OSBPL3: variants seen among roughly 807,000 people sequenced by gnomAD.
The protein encoded by OSBPL3 is oxysterol binding protein like 3, also known as oxysterol-binding protein-related protein 3.
In OSBPL3, 65 loss-of-function variants were observed where a neutral mutation model predicts 120.1. That is an observed-to-expected ratio of 0.54 (90% CI 0.44 to 0.67). The LOEUF is 0.67. Ranked by LOEUF, OSBPL3 falls within the 30% of genes least tolerant of loss-of-function variation. The pLI is 0.00. For missense variants in OSBPL3, 1,004 were observed against 1,082.1 expected (o/e 0.93, Z 1.01); for synonymous variants, 416 against 402.6 (o/e 1.03, Z -0.40).
chr7:24,833,968 G>T lies in OSBPL3; in HGVS notation c.1746+518C>A. 3.1e-6 allele frequency: 1 copy of T among 324,658 alleles called. No individual in the cohort carries two copies. Among genetic ancestry groups the T allele is most frequent in the Non-Finnish European group, 4.4e-6 (1 of 226,050 alleles). 20.1% of individuals were successfully genotyped at this position (324,658 alleles called of 1,614,324 possible). On this transcript the variant is annotated intron_variant, in intron 15 of 22. Transcript: ENST00000313367. The surrounding 1 kb of genome is among the most constrained non-coding windows in gnomAD (Gnocchi z 4.4). Reference sequence around the variant, plus strand: ...AGTACTCTATAAAATAAGAGGGAGAGAGAAAAAAAGAATATTTCTGATGTG... The same window carrying T: ...AGTACTCTATAAAATAAGAGGGAGATAGAAAAAAAGAATATTTCTGATGTG...
rs1291661547 is a variant in OSBPL3 at position 24,822,008 on chromosome 7, G to T, written c.1885-1770C>A. On this transcript the variant is annotated intron_variant, in intron 16 of 22. Transcript: ENST00000313367. This position sits in a 1 kb window ranked among gnomAD's most constrained non-coding sequence, Gnocchi z 5.8. ...CCTGTCTCAGCCTCTCAAGTTGCTG[G>T]GACTAAAGGTGTGTGCCACCACGCC... 6.6e-6 allele frequency among the ~76,000 whole-genome samples: 1 copy of T among 152,072 alleles called. No homozygotes were observed. The highest frequency in any genetic ancestry group is 1.9e-4 in the East Asian group (1 of 5,190).
chr7:24,852,543 C>T lies in OSBPL3; in HGVS notation c.1119G>A (p.Pro373=), dbSNP rs570720336. 4.7e-5 allele frequency: 75 copies of T among 1,604,936 alleles called. No individual in the cohort carries two copies. The highest frequency in any genetic ancestry group is 1.7e-4 in the Middle Eastern group (1 of 6,018). Residue 373 remains proline (P), a synonymous_variant, in exon 11 of 23, where the codon CCG becomes CCA. Coordinates refer to ENST00000313367, the MANE Select transcript of OSBPL3 (RefSeq NM_015550.4). This position sits in a 1 kb window ranked among gnomAD's most constrained non-coding sequence, Gnocchi z 4.1. ...TCTTCAGACCAATGACCTGAGCAGA[C>T]GGGGAGGAGGAGGCATCCTGCTCCA... ...QLMEQDASSS[P]SAQVIGLKNA...
In OSBPL3 at chr7:24,873,007, C is replaced by T. The variant is rs973285155; in HGVS notation, c.97-938G>A. Among the ~76,000 whole-genome samples, 16 of 152,140 alleles carry T rather than the reference C, an allele frequency of 1.1e-4. No individual in the cohort carries two copies. Among genetic ancestry groups the T allele is most frequent in the Middle Eastern group, 3.4e-3 (1 of 294 alleles). On this transcript the variant is annotated intron_variant, in intron 2 of 22. Coordinates refer to ENST00000313367, the MANE Select transcript of OSBPL3 (RefSeq NM_015550.4). The surrounding 1 kb of genome is among the most constrained non-coding windows in gnomAD (Gnocchi z 4.1). ...AAATGCATGAATCTTAAGAGTATGC[C>T]TTGATAAAAATGATAAATTTTTACA...
Position 24,820,041 on chromosome 7 carries a change from C to A in OSBPL3, c.1948+134G>T. On this transcript the variant is annotated intron_variant, in intron 17 of 22. Coordinates refer to ENST00000313367, the MANE Select transcript of OSBPL3 (RefSeq NM_015550.4). The surrounding 1 kb of genome is among the most constrained non-coding windows in gnomAD (Gnocchi z 4.6). ...AGAGATGAGAGGCAAGAACAGGTGG[C>A]GCAGATCCTTCCAACCAGGCCCAAA... The A allele has an allele frequency of 3.4e-6, 2 of 589,456 alleles. No individual in the cohort carries two copies. The highest frequency in any genetic ancestry group is 2.1e-5 in the South Asian group (1 of 46,616). 36.5% of individuals were successfully genotyped at this position (589,456 alleles called of 1,614,324 possible).
At chr7:24,914,886 A>G (rs78546706) in intron 1 of OSBPL3, among the ~76,000 whole-genome samples, 2,878 of 152,322 alleles carry the variant, frequency 0.019, 36 homozygotes, top group Non-Finnish European at 0.025. Flanking sequence ...AGCTCATACA[A>G]CTTCAACTGG....
rs70942889 is a variant in OSBPL3, at chr7:24,854,502, GCACACACACACACA to G, written c.1028-1882_1028-1869del. Reference sequence around the variant, plus strand: ...CACAACAATTTGTACACACACACACGCACACACACACACACACACACACACACACACACACAAAC... The same window carrying G: ...CACAACAATTTGTACACACACACACGCACACACACACACACACACACAAAC... On this transcript the variant is annotated intron_variant, in intron 10 of 22. Coordinates refer to ENST00000313367, the MANE Select transcript of OSBPL3 (RefSeq NM_015550.4). The surrounding 1 kb of genome is among the most constrained non-coding windows in gnomAD (Gnocchi z 4.1). Among the ~76,000 whole-genome samples, 909 of 131,578 alleles carry G rather than the reference GCACACACACACACA, an allele frequency of 6.9e-3. 15 individuals carry two copies. Among genetic ancestry groups the G allele is most frequent in the African/African-American group, 0.023 (842 of 35,926 alleles). 86.3% of individuals were successfully genotyped at this position (131,578 alleles called of 152,430 possible). A position where few individuals can be genotyped will look rare whatever the true frequency, so the allele number is the denominator to read the frequency against.
rs557586073 is a variant in OSBPL3, at chr7:24,859,584, T to C, written c.1027+2029A>G. On this transcript the variant is annotated intron_variant, in intron 10 of 22. Coordinates refer to ENST00000313367, the MANE Select transcript of OSBPL3 (RefSeq NM_015550.4). ...CACTCCATCTGTAAGAGCAGAGAAA[T>C]ACCAGGTAAGGATTATGGACTCTGG... is the stretch of plus-strand genomic sequence containing the variant. Among the ~76,000 whole-genome samples, 420 of 152,290 alleles carry C rather than the reference T, an allele frequency of 2.8e-3. 1 individual carries two copies. Among genetic ancestry groups the C allele is most frequent in the Non-Finnish European group, 5.2e-3 (351 of 68,024 alleles).
intron 14 of OSBPL3, among the ~76,000 whole-genome samples, chr7:24,839,989 CACAAAAAAAAA>C (rs1584322306): frequency 4.6e-5 from 3 of 65,308 alleles, no homozygotes; most frequent in Admixed American, 1.6e-4. Flanking sequence ...GACTCCATCT[CACAAAAAAAAA>C]AAAAAAAAAA....
chr7:24,845,384 TAAAAAAAAAAAAAAA>T (rs34559902), intron 12 of OSBPL3, among the ~76,000 whole-genome samples: 1,409 of 62,358 alleles, frequency 0.023, 46 homozygotes, highest in African/African-American at 0.087. Context: ...GCAAAATAAG[TAAAAAAAAAAAAAAA>T]AAAAAAAAAA....
chr7:24,808,064 C>A lies in OSBPL3; in HGVS notation c.2318-1162G>T, dbSNP rs993954506. ...AGTAGATGCACACCACCATGCCTGGCTAATCTTTGTATTTTTAGTAGAGAT... is the reference window on the plus strand; with the variant it reads ...AGTAGATGCACACCACCATGCCTGGATAATCTTTGTATTTTTAGTAGAGAT... On this transcript the variant is annotated intron_variant, in intron 20 of 22. Transcript: ENST00000313367. The surrounding 1 kb of genome is among the most constrained non-coding windows in gnomAD (Gnocchi z 4.6). Among the ~76,000 whole-genome samples, 2 of 152,126 alleles carry A rather than the reference C, an allele frequency of 1.3e-5. No homozygotes were observed. The highest frequency in any genetic ancestry group is 2.9e-5 in the Non-Finnish European group (2 of 68,034).
In OSBPL3 at chr7:24,933,625, T is replaced by C. The variant is rs1013476802; in HGVS notation, c.-149-41004A>G. Among the ~76,000 whole-genome samples, 6 of 152,220 alleles carry C rather than the reference T, an allele frequency of 3.9e-5. No homozygotes were observed. The highest frequency in any genetic ancestry group is 1.2e-4 in the African/African-American group (5 of 41,458). On this transcript the variant is annotated intron_variant, in intron 1 of 22. Transcript: ENST00000313367. This position sits in a 1 kb window ranked among gnomAD's most constrained non-coding sequence, Gnocchi z 5.1. ...TTCCATTCCCAAGAAAAACTAGTAA[T>C]TGAGCAAAACTCTAAGCTTGTGTAA...
chr7:24,947,563 CATA>C lies in OSBPL3; in HGVS notation c.-150+32320_-150+32322del, dbSNP rs909119548. On this transcript the variant is annotated intron_variant, in intron 1 of 22. Coordinates refer to ENST00000313367, the MANE Select transcript of OSBPL3 (RefSeq NM_015550.4). This position sits in a 1 kb window ranked among gnomAD's most constrained non-coding sequence, Gnocchi z 4.4. ...ATGAATTTCAAAGTAACATTTTTAG[CATA>C]ATATTTAATCCCTAACCATACCAAC... 6.6e-6 allele frequency among the ~76,000 whole-genome samples: 1 copy of C among 152,138 alleles called. No individual in the cohort carries two copies. Among genetic ancestry groups the C allele is most frequent in the African/African-American group, 2.4e-5 (1 of 41,424 alleles).
At position 24,834,140 on chromosome 7, in the gene OSBPL3, A is replaced by G; in HGVS notation, c.1746+346T>C. The G allele has an allele frequency of 9.8e-7, 1 of 1,019,168 alleles. No individual in the cohort carries two copies. Among genetic ancestry groups the G allele is most frequent in the Non-Finnish European group, 1.2e-6 (1 of 844,708 alleles). 63.1% of individuals were successfully genotyped at this position (1,019,168 alleles called of 1,614,324 possible). On this transcript the variant is annotated intron_variant, in intron 15 of 22. Coordinates refer to ENST00000313367, the MANE Select transcript of OSBPL3 (RefSeq NM_015550.4). The surrounding 1 kb of genome is among the most constrained non-coding windows in gnomAD (Gnocchi z 5.2). ...TAAATTCTGTCCACCCAGGGAAGTA[A>G]AAATAAACATGCAGACAGCCCTAAA...
In OSBPL3 at chr7:24,894,171, A is replaced by G. The variant is rs1385995273; in HGVS notation, c.-149-1550T>C. ...TAGTTCTTCAAAAATAAAAAAGAGT[A>G]CATTAAAGCAATAAGCTAGAATCAA... On this transcript the variant is annotated intron_variant, in intron 1 of 22. Coordinates refer to ENST00000313367, the MANE Select transcript of OSBPL3 (RefSeq NM_015550.4). This position sits in a 1 kb window ranked among gnomAD's most constrained non-coding sequence, Gnocchi z 4.1. 6.6e-6 allele frequency among the ~76,000 whole-genome samples: 1 copy of G among 152,218 alleles called. No individual in the cohort carries two copies. Among genetic ancestry groups the G allele is most frequent in the East Asian group, 1.9e-4 (1 of 5,200 alleles).
At position 24,821,342 on chromosome 7, in the gene OSBPL3, G is replaced by GA. The variant is rs938297130; in HGVS notation, c.1885-1105dup. 9.2e-5 allele frequency among the ~76,000 whole-genome samples: 14 copies of GA among 151,922 alleles called. No homozygotes were observed. The highest frequency in any genetic ancestry group is 1.0e-4 in the Non-Finnish European group (7 of 67,946). On this transcript the variant is annotated intron_variant, in intron 16 of 22. Coordinates refer to ENST00000313367, the MANE Select transcript of OSBPL3 (RefSeq NM_015550.4). The surrounding 1 kb of genome is among the most constrained non-coding windows in gnomAD (Gnocchi z 5.5). ...TGGTTTTCAAACTTTGCAAAAAGAA[G>GA]AAAAAAAATGTTTTAAGCAGCTGTA...
chr7:24,798,061 T>C lies in OSBPL3; in HGVS notation c.*2122A>G, dbSNP rs1019032391. The C allele has an allele frequency of 6.6e-6, 1 of 152,222 alleles. No individual in the cohort carries two copies. Among genetic ancestry groups the C allele is most frequent in the Admixed American group, 6.5e-5 (1 of 15,286 alleles). The allele number at this position is 152,222 out of a possible 1,614,324, so 9.4% of individuals were successfully genotyped here. Reference sequence around the variant, plus strand: ...TGCTAGTACTGACTAGATTTTAAAATCTGCATATAGTTCTCTATCATATTT... The same window carrying C: ...TGCTAGTACTGACTAGATTTTAAAACCTGCATATAGTTCTCTATCATATTT... On this transcript the variant is annotated 3_prime_UTR_variant, in exon 23 of 23. Transcript: ENST00000313367. This position sits in a 1 kb window ranked among gnomAD's most constrained non-coding sequence, Gnocchi z 4.6.
chr7:24,939,558 G>C lies in OSBPL3; in HGVS notation c.-150+40328C>G, dbSNP rs936967790. 5.9e-5 allele frequency among the ~76,000 whole-genome samples: 9 copies of C among 152,156 alleles called. No homozygotes were observed. The highest frequency in any genetic ancestry group is 1.0e-4 in the Non-Finnish European group (7 of 68,016). On this transcript the variant is annotated intron_variant, in intron 1 of 22. Transcript: ENST00000313367. The surrounding 1 kb of genome is among the most constrained non-coding windows in gnomAD (Gnocchi z 4.2). The stretch of plus-strand genomic sequence containing the variant: ...AAAAATTAAACACGCAGGAAGAAAA[G>C]ACTAAAGAAACTGGGTCCTTGAGGA...
rs763219937 is a variant in OSBPL3 at position 24,852,266 on chromosome 7, G to C, written c.1158+238C>G. On this transcript the variant is annotated intron_variant, in intron 11 of 22. Transcript: ENST00000313367. The surrounding 1 kb of genome is among the most constrained non-coding windows in gnomAD (Gnocchi z 4.1). ...AATGTTAGAGAAACAAAAAAATTAA[G>C]ATCAGTCAGAGGAAACCAAACTTAA... Among the ~76,000 whole-genome samples the C allele has an allele frequency of 6.6e-6, 1 of 152,114 alleles. No individual in the cohort carries two copies. Among genetic ancestry groups the C allele is most frequent in the African/African-American group, 2.4e-5 (1 of 41,420 alleles).
rs1001382289 is a variant in OSBPL3 at position 24,959,376 on chromosome 7, A to C, written c.-150+20510T>G. On this transcript the variant is annotated intron_variant, in intron 1 of 22. Transcript: ENST00000313367. This position sits in a 1 kb window ranked among gnomAD's most constrained non-coding sequence, Gnocchi z 4.3. ...TAAATAAATTTTGGCATATTAACAC[A>C]ATGCGATTCTAACAGCAATAGGAAT... Among the ~76,000 whole-genome samples the C allele has an allele frequency of 2.6e-5, 4 of 152,210 alleles. No homozygotes were observed. Among genetic ancestry groups the C allele is most frequent in the Admixed American group, 6.5e-5 (1 of 15,282 alleles).
Sources: allele counts gnomAD v4.1 joint callset (sites outside exome capture counted in the v4.1 genomes callset), GRCh38; gene constraint gnomAD v4.1.1; non-coding constraint Gnocchi (gnomAD v3.1); transcripts MANE v1.5; gene names NCBI Gene and HGNC (gene_info 2026-07-23, HGNC 2026-07-21).